C8orf34: variants seen among roughly 807,000 people sequenced by gnomAD.
C8orf34 encodes uncharacterized protein C8orf34.
C8orf34 carries 65 observed loss-of-function variants against 68.3 expected under a neutral mutation model. The ratio of observed to expected loss-of-function variants is 0.95; its 90% CI spans 0.78 to 1.17. The LOEUF (loss-of-function observed/expected upper bound fraction) is 1.17. Among genes scored for constraint, C8orf34 ranks in the 50% most tolerant of loss-of-function variants. The pLI, the probability that C8orf34 is intolerant of heterozygous loss-of-function variation, is 0.00. For synonymous variants in C8orf34, 244 were observed against 241.2 expected (o/e 1.01, Z -0.11); for missense variants, 664 against 655.4 (o/e 1.01, Z -0.14).
intron 1 of C8orf34, among the ~76,000 whole-genome samples, chr8:68,403,760 C>T (rs1809062977): frequency 6.6e-6 from 1 of 152,168 alleles, no homozygotes; most frequent in Admixed American, 6.5e-5. Flanking sequence ...ATATGTGCCA[C>T]ATTTTCTTTA....
intron 8 of C8orf34, among the ~76,000 whole-genome samples, chr8:68,698,819 A>G (rs1820907917): frequency 6.6e-6 from 1 of 152,082 alleles, no homozygotes; most frequent in Admixed American, 6.6e-5. Context: ...ATATTTGGGA[A>G]GAAAATTTAG....
chr8:68,808,830 G>T (rs1240596287), intron 12 of C8orf34, among the ~76,000 whole-genome samples: 1 of 152,054 alleles, frequency 6.6e-6, no homozygotes, highest in Non-Finnish European at 1.5e-5. Flanking sequence ...AAGGACTTCA[G>T]TCTTTTGCTT....
chr8:68,436,955 A>G (rs1810692336), intron 1 of C8orf34, among the ~76,000 whole-genome samples: 1 of 152,224 alleles, frequency 6.6e-6, no homozygotes, highest in African/African-American at 2.4e-5. Context: ...CCTCAGAATC[A>G]TTCAAGTCCA....
intron 7 of C8orf34, among the ~76,000 whole-genome samples, chr8:68,571,388 T>G (rs1816755003): frequency 6.6e-6 from 1 of 152,200 alleles, no homozygotes; most frequent in Admixed American, 6.5e-5. Context: ...TCCATTTCAG[T>G]CTTCTTGCTC....
At chr8:68,643,735 C>CCA (rs1398148957) in intron 8 of C8orf34, among the ~76,000 whole-genome samples, 2 of 152,168 alleles carry the variant, frequency 1.3e-5, no homozygotes, top group East Asian at 3.9e-4. Context: ...CCTTATACTA[C>CCA]CACACAGGGG....
chr8:68,559,223 G>A (rs1268618269), intron 7 of C8orf34, among the ~76,000 whole-genome samples: 1 of 152,206 alleles, frequency 6.6e-6, no homozygotes, highest in East Asian at 1.9e-4. Context: ...TGATGACTAT[G>A]CTATGGAAGT....
intron 10 of C8orf34, among the ~76,000 whole-genome samples, chr8:68,727,218 T>A (rs1201699785): frequency 1.3e-5 from 2 of 152,112 alleles, no homozygotes; most frequent in East Asian, 3.9e-4. Flanking sequence ...ACAGGGCCCA[T>A]GCAAGTCCAA....
chr8:68,812,773 C>T (rs574674219), intron 12 of C8orf34, among the ~76,000 whole-genome samples: 3 of 152,126 alleles, frequency 2.0e-5, no homozygotes, highest in East Asian at 1.9e-4. Context: ...AAATTGGTTA[C>T]GTAACTTTTA....
chr8:68,700,545 G>A (rs1820983640), intron 8 of C8orf34, among the ~76,000 whole-genome samples: 1 of 152,076 alleles, frequency 6.6e-6, no homozygotes, highest in South Asian at 2.1e-4. Context: ...CAGATAGACA[G>A]CATTTGAATT....
chr8:68,799,121 T>TA (rs1824259393), intron 12 of C8orf34, among the ~76,000 whole-genome samples: 1 of 152,210 alleles, frequency 6.6e-6, no homozygotes, highest in Non-Finnish European at 1.5e-5. Context: ...TTGAAGTCTT[T>TA]AAAAGTTAGA....
rs116710447 is a variant in C8orf34 at position 68,426,411 on chromosome 8, C to T, written c.328-13088C>T. 1.1e-3 allele frequency among the ~76,000 whole-genome samples: 168 copies of T among 147,208 alleles called. 1 individual carries two copies. Among genetic ancestry groups the T allele is most frequent in the African/African-American group, 3.9e-3 (155 of 40,088 alleles). ...GTGCACTCCTGTAGTCCCAAATGCT[C>T]GGGGGCCCAAGGTGGGAAAATCGCT... On this transcript the variant is annotated intron_variant, in intron 1 of 13. Coordinates refer to ENST00000518698, the MANE Select transcript of C8orf34 (RefSeq NM_052958.4).
intron 7 of C8orf34, among the ~76,000 whole-genome samples, chr8:68,581,704 G>A (rs1386667863): frequency 3.3e-5 from 5 of 152,138 alleles, no homozygotes; most frequent in African/African-American, 9.7e-5. Flanking sequence ...CTGTCCTGCG[G>A]TCCCAAAGCT....
intron 11 of C8orf34, among the ~76,000 whole-genome samples, chr8:68,777,572 G>T (rs931207731): frequency 7.2e-5 from 11 of 152,108 alleles, no homozygotes; most frequent in African/African-American, 2.7e-4. Flanking sequence ...CATCATCGGG[G>T]GCTTGTAAGA....
At chr8:68,683,868 T>C (rs1363562190) in intron 8 of C8orf34, among the ~76,000 whole-genome samples, 4 of 152,114 alleles carry the variant, frequency 2.6e-5, no homozygotes, top group African/African-American at 9.7e-5. Flanking sequence ...TGTATAGAAG[T>C]CAGCATCTGG....
At chr8:68,435,946 G>A (rs1388417605) in intron 1 of C8orf34, among the ~76,000 whole-genome samples, 1 of 152,166 alleles carries the variant, frequency 6.6e-6, no homozygotes, top group Non-Finnish European at 1.5e-5. Context: ...GGTGGCTCAC[G>A]CCTATAATCA....
At chr8:68,772,697 C>A (rs1053568184) in intron 10 of C8orf34, among the ~76,000 whole-genome samples, 2 of 144,012 alleles carry the variant, frequency 1.4e-5, no homozygotes, top group Admixed American at 1.4e-4. Context: ...CTCCCTCCCT[C>A]CCTCCCTCTC....
chr8:68,666,084 A>G (rs938777532), intron 8 of C8orf34, among the ~76,000 whole-genome samples: 1 of 152,174 alleles, frequency 6.6e-6, no homozygotes, highest in African/African-American at 2.4e-5. Context: ...TAAACACTTT[A>G]TATGTATTAA....
chr8:68,781,482 T>C (rs1483774504), intron 11 of C8orf34, among the ~76,000 whole-genome samples: 1 of 152,214 alleles, frequency 6.6e-6, no homozygotes, highest in Non-Finnish European at 1.5e-5. Context: ...CTCTTGGGAA[T>C]ATGAAAAAGT....
intron 7 of C8orf34, among the ~76,000 whole-genome samples, chr8:68,608,317 G>GA (rs11410389): frequency 0.29 from 44,512 of 151,542 alleles, 8,278 homozygotes; most frequent in African/African-American, 0.55. Flanking sequence ...TTCTAGGAGA[G>GA]ACAGAGGGTA....
Sources: gnomAD v4.1 joint callset for allele counts (sites outside exome capture counted in the v4.1 genomes callset) on GRCh38, gnomAD v4.1.1 for gene constraint, MANE v1.5 for transcripts, NCBI Gene and HGNC (gene_info 2026-07-23, HGNC 2026-07-21) for gene names.